Variants in SULF2 observed in about 807,000 individuals in gnomAD.
SULF2 encodes extracellular sulfatase Sulf-2.
A neutral mutation model predicts 107.7 loss-of-function variants in SULF2; 52 were observed. The ratio of observed to expected loss-of-function variants is 0.48; its 90% CI spans 0.39 to 0.61. SULF2 has a LOEUF of 0.61. SULF2 is among the 20% of genes least tolerant of loss of function. SULF2 has a pLI of 0.00. For synonymous variants in SULF2, 460 were observed against 464.3 expected, an observed-to-expected ratio of 0.99 and a Z score of 0.12; for missense variants, 993 against 1,177.3, an observed-to-expected ratio of 0.84 and a Z score of 2.29.
chr20:47,671,253 T>G (rs539016999), intron 11 of SULF2, among the ~76,000 whole-genome samples: 102 of 152,272 alleles, frequency 6.7e-4, no homozygotes, highest in Non-Finnish European at 1.3e-3. Flanking sequence ...CTTCTTCAGC[T>G]GAGTGAGGCT....
chr20:47,689,789 T>C (rs767808467), intron 5 of SULF2: 15 of 193,016 alleles, frequency 7.8e-5, no homozygotes, highest in Non-Finnish European at 1.0e-4. Flanking sequence ...GGTAAAACTA[T>C]AGACCCCCTC....
intron 3 of SULF2, among the ~76,000 whole-genome samples, chr20:47,709,901 ACTT>A (rs922159463): frequency 7.4e-6 from 1 of 135,064 alleles, no homozygotes; most frequent in African/African-American, 3.0e-5. Context: ...ACCTGAAACC[ACTT>A]TTTTTTTTTT....
intron 6 of SULF2, 115 bp downstream of exon 6, chr20:47,684,316 T>C: frequency 8.2e-7 from 1 of 1,213,502 alleles, no homozygotes; most frequent in Middle Eastern, 2.9e-4. Flanking sequence ...GCCTCTTCAT[T>C]CTGCCTTTGA....
chr20:47,722,084 C>T (rs534317540), intron 3 of SULF2, among the ~76,000 whole-genome samples: 177 of 152,156 alleles, frequency 1.2e-3, no homozygotes, highest in Non-Finnish European at 1.5e-3. Flanking sequence ...TGACAGAAAA[C>T]GCAAGAAGCA....
chr20:47,779,044 C>T (rs910338406), intron 1 of SULF2, among the ~76,000 whole-genome samples: 3 of 152,174 alleles, frequency 2.0e-5, no homozygotes, highest in Admixed American at 6.5e-5. Context: ...ATTTCCACGT[C>T]GGAATTCCAG....
intron 3 of SULF2, among the ~76,000 whole-genome samples, chr20:47,715,569 T>G: frequency 7.2e-6 from 1 of 139,476 alleles, no homozygotes; most frequent in South Asian, 2.4e-4. Flanking sequence ...CACAGCTGAG[T>G]GAGGGAATGT....
intron 3 of SULF2, among the ~76,000 whole-genome samples, chr20:47,715,460 C>T (rs952504205): frequency 6.6e-5 from 10 of 152,158 alleles, no homozygotes; most frequent in African/African-American, 2.4e-4. Context: ...ACATCTAGAA[C>T]AGAGCTTGGT....
chr20:47,700,588 G>T (rs1027382695), intron 4 of SULF2, among the ~76,000 whole-genome samples: 1 of 150,930 alleles, frequency 6.6e-6, no homozygotes, highest in Non-Finnish European at 1.5e-5. Flanking sequence ...GCTGATAAGG[G>T]ATGCAGGGCA....
intron 2 of SULF2, among the ~76,000 whole-genome samples, chr20:47,741,457 A>G (rs1014588585): frequency 6.3e-4 from 96 of 151,896 alleles, no homozygotes; most frequent in African/African-American, 2.2e-3. Context: ...CTGGCCCCCA[A>G]TATTTTCTAC....
At chr20:47,681,256 C>A (rs2146495645) in intron 7 of SULF2, among the ~76,000 whole-genome samples, 1 of 152,328 alleles carries the variant, frequency 6.6e-6, no homozygotes, top group South Asian at 2.1e-4. Flanking sequence ...ACTATAGTTA[C>A]TGTGTTCCTT....
At chr20:47,669,897 T>C (rs547124678) in intron 11 of SULF2, among the ~76,000 whole-genome samples, 1 of 152,222 alleles carries the variant, frequency 6.6e-6, no homozygotes, top group African/African-American at 2.4e-5. Context: ...GTGCCACATA[T>C]TGAAGCAAGG....
In SULF2 at chr20:47,749,843, C is replaced by T. The variant is rs956551181; in HGVS notation, c.175+7346G>A. ...CAAGCACACAGTTTGTATACGATCC[C>T]CACCGTGCCCTACTCTAAGTCCACC... On this transcript the variant is annotated intron_variant, in intron 2 of 20. Coordinates refer to ENST00000688720, the MANE Select transcript of SULF2 (RefSeq NM_001387048.1). 3.9e-5 allele frequency among the ~76,000 whole-genome samples: 6 copies of T among 152,192 alleles called. No individual in the cohort carries two copies. The South Asian group carries it at 1.2e-3, about 32-fold the overall frequency.
chr20:47,724,645 C>G (rs538183131), intron 3 of SULF2, among the ~76,000 whole-genome samples: 1 of 152,278 alleles, frequency 6.6e-6, no homozygotes, highest in South Asian at 2.1e-4. Flanking sequence ...GCTGAGTCAC[C>G]ACGAGGACAA....
chr20:47,721,368 C>CTATTT (rs1399170149), intron 3 of SULF2, among the ~76,000 whole-genome samples: 1 of 88,930 alleles, frequency 1.1e-5, no homozygotes, highest in Admixed American at 1.0e-4. Context: ...TAAGAAGAAG[C>CTATTT]TATTTTTTTT....
chr20:47,663,358 G>A (rs1431271302), intron 16 of SULF2, 95 bp downstream of exon 16: 20 of 1,579,862 alleles, frequency 1.3e-5, no homozygotes, highest in Non-Finnish European at 1.7e-5. Context: ...TGGTGTTGGG[G>A]ACCCCCTTTC....
intron 3 of SULF2, among the ~76,000 whole-genome samples, chr20:47,708,007 G>T (rs1474577831): frequency 1.3e-5 from 2 of 152,144 alleles, no homozygotes; most frequent in African/African-American, 4.8e-5. Context: ...TGAATTTGGG[G>T]TCCCACTGCC....
chr20:47,702,512 A>G lies in SULF2; in HGVS notation c.567+7T>C. On this transcript the variant is annotated splice_region_variant and intron_variant, in intron 4 of 20. Transcript: ENST00000688720. ...GCCACTCCCAGGCTGGAAAGGTTGC[A>G]GCTTACCTTGGAGTAGTCGGAGCCG... The G allele has an allele frequency of 6.2e-7, 1 of 1,611,100 alleles. No homozygotes were observed. The highest frequency in any genetic ancestry group is 8.5e-7 in the Non-Finnish European group (1 of 1,179,288).
intron 17 of SULF2, among the ~76,000 whole-genome samples, 176 bp from the exon 18 acceptor site, chr20:47,662,072 T>C (rs1340951480): frequency 6.6e-6 from 1 of 152,224 alleles, no homozygotes; most frequent in Non-Finnish European, 1.5e-5. Context: ...GGTGACTTTT[T>C]GGCTTCAAGT....
At chr20:47,693,149 T>C (rs2088255484) in intron 4 of SULF2, among the ~76,000 whole-genome samples, 1 of 152,240 alleles carries the variant, frequency 6.6e-6, no homozygotes, top group Non-Finnish European at 1.5e-5. Flanking sequence ...ATATATGTTA[T>C]ATAAATCAAA....
Sources: allele counts gnomAD v4.1 joint callset (sites outside exome capture counted in the v4.1 genomes callset), GRCh38; gene constraint gnomAD v4.1.1; transcripts MANE v1.5; gene names NCBI Gene and HGNC (gene_info 2026-07-23, HGNC 2026-07-21).